The following ALK variants were observed in gnomAD, a reference collection of about 807,000 sequenced individuals.
ALK encodes the protein ALK receptor tyrosine kinase, also known as ALK tyrosine kinase receptor.
ALK carries 74 observed loss-of-function variants against 163.1 expected under a neutral mutation model. The observed-to-expected ratio is 0.45, with a 90% CI of 0.38 to 0.55. The LOEUF (loss-of-function observed/expected upper bound fraction) is 0.55, where lower values mean the gene tolerates loss of function less well. Ranked by LOEUF, ALK falls within the 20% of genes least tolerant of loss-of-function variation. The pLI is 0.00. For synonymous variants in ALK, 960 were observed against 843.2 expected (o/e 1.14, Z -2.40); for missense variants, 2,063 against 2,105.3 (o/e 0.98, Z 0.39).
chr2:29,640,092 G>C (rs1368260792), intron 3 of ALK, among the ~76,000 whole-genome samples: 2 of 152,188 alleles, frequency 1.3e-5, no homozygotes, highest in Non-Finnish European at 2.9e-5. Flanking sequence ...TAGACAGAGG[G>C]AGGTCCAGTG....
chr2:29,726,739 C>A (rs551327135), intron 1 of ALK, among the ~76,000 whole-genome samples: 1 of 152,334 alleles, frequency 6.6e-6, no homozygotes, highest in East Asian at 1.9e-4. Flanking sequence ...CAACTGTGTG[C>A]ACATTCACCA....
At chr2:29,562,318 CAT>C (rs1197016325) in intron 3 of ALK, among the ~76,000 whole-genome samples, 2 of 152,220 alleles carry the variant, frequency 1.3e-5, no homozygotes, top group African/African-American at 2.4e-5. Flanking sequence ...CCCCTTTTCA[CAT>C]GAGAGTCCTT....
At chr2:29,914,778 A>C (rs1336747590) in intron 1 of ALK, among the ~76,000 whole-genome samples, 2 of 152,164 alleles carry the variant, frequency 1.3e-5, no homozygotes, top group African/African-American at 4.8e-5. Context: ...TTTTTCACCT[A>C]TTGACATGTC....
At chr2:29,561,853 G>A (rs1674033062) in intron 3 of ALK, among the ~76,000 whole-genome samples, 1 of 152,144 alleles carries the variant, frequency 6.6e-6, no homozygotes, top group Admixed American at 6.5e-5. Context: ...GGTGGTTAAA[G>A]CATGTGGATG....
At chr2:29,566,941 G>A (rs953817831) in intron 3 of ALK, among the ~76,000 whole-genome samples, 1 of 151,904 alleles carries the variant, frequency 6.6e-6, no homozygotes, top group African/African-American at 2.4e-5. Flanking sequence ...GAAAGAATAA[G>A]CATCAAAACA....
chr2:29,835,330 C>T (rs1233092577), intron 1 of ALK, among the ~76,000 whole-genome samples: 1 of 152,170 alleles, frequency 6.6e-6, no homozygotes, highest in African/African-American at 2.4e-5. Context: ...GTATTTCCAT[C>T]TGAGAGTACT....
intron 23 of ALK, among the ~76,000 whole-genome samples, chr2:29,218,777 C>T (rs1558620760): frequency 1.3e-5 from 2 of 152,350 alleles, no homozygotes; most frequent in East Asian, 3.9e-4. Flanking sequence ...AGTGTGATGC[C>T]ACGTGTCCCC....
intron 1 of ALK, among the ~76,000 whole-genome samples, chr2:29,771,961 G>A (rs1400234415): frequency 6.6e-6 from 1 of 152,148 alleles, no homozygotes; most frequent in African/African-American, 2.4e-5. Context: ...GACTGAGGAG[G>A]GGCTCCTTCA....
At chr2:29,698,885 C>A (rs181419479) in intron 2 of ALK, among the ~76,000 whole-genome samples, 32 of 152,330 alleles carry the variant, frequency 2.1e-4, no homozygotes, top group Non-Finnish European at 4.0e-4. Flanking sequence ...TTGGTTGAAA[C>A]TGAATTAGGC....
At chr2:29,374,198 T>G (rs1169206637) in intron 5 of ALK, among the ~76,000 whole-genome samples, 3 of 152,234 alleles carry the variant, frequency 2.0e-5, no homozygotes, top group African/African-American at 7.2e-5. Flanking sequence ...ATACGTATTG[T>G]GCCAAGCATT....
intron 11 of ALK, among the ~76,000 whole-genome samples, chr2:29,274,163 G>T (rs1558648330): frequency 6.6e-6 from 1 of 152,178 alleles, no homozygotes. Context: ...CTCCTTCAAA[G>T]ACAAAGCCAT....
chr2:29,528,649 A>T (rs1475328998), intron 4 of ALK, among the ~76,000 whole-genome samples: 1 of 152,124 alleles, frequency 6.6e-6, no homozygotes, highest in African/African-American at 2.4e-5. Context: ...TGATGGTGAG[A>T]TGAATGTTTG....
intron 9 of ALK, among the ~76,000 whole-genome samples, chr2:29,296,218 T>C (rs1350891947): frequency 6.6e-6 from 1 of 152,212 alleles, no homozygotes; most frequent in Non-Finnish European, 1.5e-5. Context: ...CAGAGGCCAT[T>C]AGTGATAGAG....
intron 1 of ALK, among the ~76,000 whole-genome samples, chr2:29,718,707 A>G (rs1339196924): frequency 3.3e-5 from 5 of 152,206 alleles, no homozygotes; most frequent in East Asian, 1.9e-4. Flanking sequence ...AGATGCATCA[A>G]CTGAGACCTA....
intron 1 of ALK, among the ~76,000 whole-genome samples, chr2:29,829,204 T>C (rs1665293957): frequency 6.9e-6 from 1 of 145,750 alleles, no homozygotes; most frequent in South Asian, 2.4e-4. Flanking sequence ...TTAGGAGATA[T>C]ACCTAATGTT....
rs936574141 is a variant in ALK at position 29,246,974 on chromosome 2, A to T, written c.2204+4131T>A. ...CGAGGCCAGCCTTGCCCGACTTCTCATCGGCAGTACCGACTTCTTGTGCTC... is the reference window on the plus strand; with the variant it reads ...CGAGGCCAGCCTTGCCCGACTTCTCTTCGGCAGTACCGACTTCTTGTGCTC... On this transcript the variant is annotated intron_variant, in intron 12 of 28. Transcript: ENST00000389048. The surrounding 1 kb of genome is among the most constrained non-coding windows in gnomAD (Gnocchi z 4.3). Among the ~76,000 whole-genome samples the T allele has an allele frequency of 2.0e-5, 3 of 152,236 alleles. No individual in the cohort carries two copies. The highest frequency in any genetic ancestry group is 1.9e-4 in the East Asian group (1 of 5,158).
chr2:29,519,590 G>C (rs901900479), intron 4 of ALK, among the ~76,000 whole-genome samples: 9 of 152,184 alleles, frequency 5.9e-5, no homozygotes, highest in Non-Finnish European at 1.2e-4. Flanking sequence ...CCACCTCCTG[G>C]AACCCTGGAG....
chr2:29,726,048 G>A lies in ALK; in HGVS notation c.668-8351C>T, dbSNP rs186186449. Reference sequence around the variant, plus strand: ...CACTGGCCCTACCTAACTGGCCAAGGTGGACTCACACTGGCTTTTGGTAGC... The same window carrying A: ...CACTGGCCCTACCTAACTGGCCAAGATGGACTCACACTGGCTTTTGGTAGC... On this transcript the variant is annotated intron_variant, in intron 1 of 28. Coordinates refer to ENST00000389048, the MANE Select transcript of ALK (RefSeq NM_004304.5). Among the ~76,000 whole-genome samples, 5 of 152,316 alleles carry A rather than the reference G, an allele frequency of 3.3e-5. No homozygotes were observed. The East Asian group carries it at 7.7e-4, about 24-fold the overall frequency.
intron 4 of ALK, among the ~76,000 whole-genome samples, chr2:29,449,676 T>C (rs1670774082): frequency 6.6e-6 from 1 of 152,164 alleles, no homozygotes; most frequent in Non-Finnish European, 1.5e-5. Context: ...GTTTGTTCTG[T>C]CCCCCATCGC....
Sources: allele counts gnomAD v4.1 joint callset (sites outside exome capture counted in the v4.1 genomes callset), GRCh38; gene constraint gnomAD v4.1.1; non-coding constraint Gnocchi (gnomAD v3.1); transcripts MANE v1.5; gene names NCBI Gene and HGNC (gene_info 2026-07-23, HGNC 2026-07-21).